The following INPP5A variants were observed in gnomAD, a reference collection of about 807,000 sequenced individuals.
INPP5A encodes 43 kDa inositol polyphosphate 5-phophatase.
A neutral mutation model predicts 65.2 loss-of-function variants in INPP5A; 14 were observed. The observed-to-expected ratio is 0.21, with a 90% CI of 0.14 to 0.34. The LOEUF is 0.34. INPP5A is among the 10% of genes least tolerant of loss of function. The probability of loss-of-function intolerance (pLI) is 1.00; values close to 1 mark genes in which losing one functional copy is unlikely to be tolerated. For missense variants in INPP5A, 431 were observed against 545.6 expected (o/e 0.79, Z 2.09); for synonymous variants, 207 against 208.3 (o/e 0.99, Z 0.05).
At chr10:132,775,693 G>A (rs895203694) in intron 12 of INPP5A, among the ~76,000 whole-genome samples, 4 of 152,160 alleles carry the variant, frequency 2.6e-5, no homozygotes, top group African/African-American at 9.7e-5. Flanking sequence ...GAGCAGATGG[G>A]CTGAGGAAGC....
intron 2 of INPP5A, among the ~76,000 whole-genome samples, chr10:132,625,181 G>T (rs1160850493): frequency 7.2e-6 from 1 of 139,198 alleles, no homozygotes; most frequent in African/African-American, 2.7e-5. Context: ...TCAGGACCTC[G>T]CACAGGCCAC....
At chr10:132,686,234 T>A (rs117585855) in intron 4 of INPP5A, among the ~76,000 whole-genome samples, 3 of 152,220 alleles carry the variant, frequency 2.0e-5, no homozygotes, top group Non-Finnish European at 4.4e-5. Flanking sequence ...GCTTCCCGGC[T>A]GTGCCGTGGC....
intron 8 of INPP5A, among the ~76,000 whole-genome samples, chr10:132,715,090 C>G (rs1845717348): frequency 6.6e-6 from 1 of 152,224 alleles, no homozygotes; most frequent in African/African-American, 2.4e-5. Context: ...CGGTCCCTCT[C>G]CTGGACACAC....
chr10:132,670,079 A>ACTGCACAC (rs1590911441), intron 4 of INPP5A, among the ~76,000 whole-genome samples: 3 of 84,524 alleles, frequency 3.5e-5, no homozygotes, highest in Admixed American at 1.6e-4. Context: ...CCATGTCCTC[A>ACTGCACAC]GCTTCCAATC....
chr10:132,776,758 G>A (rs552317539), intron 12 of INPP5A, among the ~76,000 whole-genome samples: 1 of 152,304 alleles, frequency 6.6e-6, no homozygotes, highest in East Asian at 1.9e-4. Flanking sequence ...GGGTGGGTCG[G>A]GCCCCCTGAG....
At chr10:132,760,057 C>A (rs911372056) in intron 11 of INPP5A, among the ~76,000 whole-genome samples, 1 of 152,218 alleles carries the variant, frequency 6.6e-6, no homozygotes, top group Non-Finnish European at 1.5e-5. Flanking sequence ...ATAGCCACAC[C>A]GTGCAGGAAG....
At chr10:132,563,359 G>A (rs1011228701) in intron 1 of INPP5A, among the ~76,000 whole-genome samples, 3 of 152,144 alleles carry the variant, frequency 2.0e-5, no homozygotes, top group South Asian at 4.1e-4. Context: ...AGCGTCTGCC[G>A]GGTGCTGCGG....
chr10:132,557,016 C>T (rs191803918), intron 1 of INPP5A, among the ~76,000 whole-genome samples: 233 of 152,274 alleles, frequency 1.5e-3, no homozygotes, highest in African/African-American at 5.3e-3. Context: ...AAGTTTTCTT[C>T]CTGAGTCTCA....
At chr10:132,758,203 G>A (rs1424554064) in intron 11 of INPP5A, among the ~76,000 whole-genome samples, 7 of 109,448 alleles carry the variant, frequency 6.4e-5, no homozygotes, top group African/African-American at 2.2e-4. Flanking sequence ...GTCCCCGGCC[G>A]ACCCCACAGG....
chr10:132,558,939 C>T (rs947199537), intron 1 of INPP5A, among the ~76,000 whole-genome samples: 1 of 152,198 alleles, frequency 6.6e-6, no homozygotes, highest in African/African-American at 2.4e-5. Flanking sequence ...TAGGGAAGTC[C>T]TCTGCTCACG....
At chr10:132,579,740 C>T (rs899134290) in intron 1 of INPP5A, among the ~76,000 whole-genome samples, 9 of 151,750 alleles carry the variant, frequency 5.9e-5, no homozygotes, top group African/African-American at 7.3e-5. Flanking sequence ...CCTCCCATAG[C>T]GATTGATGGG....
At chr10:132,738,437 G>A (rs547179105) in intron 9 of INPP5A, among the ~76,000 whole-genome samples, 13 of 152,342 alleles carry the variant, frequency 8.5e-5, no homozygotes, top group South Asian at 2.1e-4. Flanking sequence ...ACGTCCAGCC[G>A]TGCCAGTGGA....
chr10:132,578,353 C>G (rs562005157), intron 1 of INPP5A, among the ~76,000 whole-genome samples: 1 of 152,324 alleles, frequency 6.6e-6, no homozygotes, highest in African/African-American at 2.4e-5. Flanking sequence ...ATCAAAGACC[C>G]TGGTTCTCTC....
chr10:132,624,606 C>A (rs2072155931), intron 2 of INPP5A, among the ~76,000 whole-genome samples: 1 of 152,232 alleles, frequency 6.6e-6, no homozygotes, highest in Admixed American at 6.5e-5. Context: ...TGCGGTTCCT[C>A]CCATTCCCAC....
At chr10:132,775,557 A>G (rs919083318) in intron 12 of INPP5A, among the ~76,000 whole-genome samples, 1 of 152,088 alleles carries the variant, frequency 6.6e-6, no homozygotes, top group African/African-American at 2.4e-5. Flanking sequence ...GTTGGGGGCC[A>G]CAGGGAGCAC....
At chr10:132,755,615 G>GGTGT (rs55717463) in intron 11 of INPP5A, among the ~76,000 whole-genome samples, 23 of 143,832 alleles carry the variant, frequency 1.6e-4, no homozygotes, top group African/African-American at 5.1e-4. Flanking sequence ...TGAGTGAGTG[G>GGTGT]GTGTGTGTGT....
chr10:132,540,746 G>T (rs531749990), intron 1 of INPP5A, among the ~76,000 whole-genome samples: 1 of 152,338 alleles, frequency 6.6e-6, no homozygotes, highest in Non-Finnish European at 1.5e-5. Flanking sequence ...GCTGACGAAC[G>T]CACCCTGCAG....
intron 8 of INPP5A, among the ~76,000 whole-genome samples, chr10:132,714,315 G>C (rs1034537248): frequency 6.6e-6 from 1 of 152,196 alleles, no homozygotes; most frequent in Non-Finnish European, 1.5e-5. Context: ...CGGCTCTGTC[G>C]GAGTCTGGAA....
At position 132,705,882 on chromosome 10, in the gene INPP5A, G is replaced by A. The variant is rs980500554; in HGVS notation, c.475-2431G>A. Among the ~76,000 whole-genome samples, 1 of 152,184 alleles carries A rather than the reference G, an allele frequency of 6.6e-6. No individual in the cohort carries two copies. The highest frequency in any genetic ancestry group is 1.5e-5 in the Non-Finnish European group (1 of 68,044). The stretch of plus-strand genomic sequence containing the variant: ...CACTCCCCAGGAGACTGCAAACCAA[G>A]AACGTCTATGAGACGAGCAGACACC... On this transcript the variant is annotated intron_variant, in intron 6 of 15. Coordinates refer to ENST00000368594, the MANE Select transcript of INPP5A (RefSeq NM_005539.5). This position sits in a 1 kb window ranked among gnomAD's most constrained non-coding sequence, Gnocchi z 4.9.
Sources: allele counts gnomAD v4.1 joint callset (sites outside exome capture counted in the v4.1 genomes callset), GRCh38; gene constraint gnomAD v4.1.1; non-coding constraint Gnocchi (gnomAD v3.1); transcripts MANE v1.5; gene names NCBI Gene and HGNC (gene_info 2026-07-23, HGNC 2026-07-21).